Variants in CUTA observed in about 807,000 individuals in gnomAD.
The protein encoded by CUTA is cutA divalent cation tolerance homolog.
A neutral mutation model predicts 20.7 loss-of-function variants in CUTA; 21 were observed. The observed-to-expected ratio is 1.01, with a 90% CI of 0.72 to 1.46. CUTA has a LOEUF of 1.46. Among genes scored for constraint, CUTA ranks in the 40% most tolerant of loss-of-function variants. The pLI, the probability that CUTA is intolerant of heterozygous loss-of-function variation, is 0.00. For missense variants in CUTA, 231 were observed against 226.8 expected, an observed-to-expected ratio of 1.02 and a Z score of -0.12; for synonymous variants, 99 against 97.9, an observed-to-expected ratio of 1.01 and a Z score of -0.07.
intron 1 of CUTA, 75 bp downstream of exon 1, chr6:33,417,884 C>T (rs1399692387): frequency 1.3e-6 from 2 of 1,570,740 alleles, no homozygotes; most frequent in Non-Finnish European, 8.6e-7. Context: ...AGGGGGCCAA[C>T]CTCTGGGATT....
rs750581173 is a variant in CUTA, at chr6:33,418,043, C to G, written c.-43G>C. 7.4e-6 allele frequency: 12 copies of G among 1,614,062 alleles called. No homozygotes were observed. The Admixed American group carries it at 8.3e-5, about 11-fold the overall frequency. On this transcript the variant is annotated 5_prime_UTR_variant, in exon 1 of 6. Coordinates refer to ENST00000488034, the MANE Select transcript of CUTA (RefSeq NM_001014840.2). This position sits in a 1 kb window ranked among gnomAD's most constrained non-coding sequence, Gnocchi z 5.7. ...AGGAGAGTTGATCTCAAAGGCCACA[C>G]GTCACACGGAGAAACAACCCCAGGA...
At chr6:33,417,788 TCC>T in intron 1 of CUTA, 93 bp from the exon 2 acceptor site, 1 of 1,544,750 alleles carries the variant, frequency 6.5e-7, no homozygotes, top group Non-Finnish European at 8.7e-7. Context: ...GGCTCTGCCC[TCC>T]CTCTGATGCA....
intron 4 of CUTA, 47 bp downstream of exon 4, chr6:33,417,050 G>C: frequency 3.7e-6 from 6 of 1,612,308 alleles, no homozygotes; most frequent in Non-Finnish European, 5.1e-6. Context: ...GGGCTAAAGG[G>C]GTCAGGGATT....
In CUTA at chr6:33,417,268, G is replaced by T; in HGVS notation, c.300C>A (p.Ile100=). ...EKRLAACVNL[I]PQITSIYEWK... is the part of the protein sequence containing the mutation. ...TGACTCACATGGATGTAATCTGAGG[G>T]ATGAGGTTGACGCAGGCTGCTAGGC... Residue 100 remains isoleucine, a synonymous_variant, in exon 3 of 6, where the codon ATC becomes ATA. Coordinates refer to ENST00000488034, the MANE Select transcript of CUTA (RefSeq NM_001014840.2). 1 of 1,614,186 alleles carries T rather than the reference G, an allele frequency of 6.2e-7. No individual in the cohort carries two copies. The highest frequency in any genetic ancestry group is 8.5e-7 in the Non-Finnish European group (1 of 1,180,032).
At chr6:33,417,222 A>G (rs1776563452) in intron 3 of CUTA, 29 bp downstream of exon 3, 8 of 1,613,676 alleles carry the variant, frequency 5.0e-6, no homozygotes, top group Non-Finnish European at 6.8e-6. Flanking sequence ...TCCTACAGTT[A>G]GGTTAACCCC....
chr6:33,416,554 C>G lies in CUTA; in HGVS notation c.*96G>C, dbSNP rs1776491904. 2 of 800,860 alleles carry G rather than the reference C, an allele frequency of 2.5e-6. No homozygotes were observed. The highest frequency in any genetic ancestry group is 4.4e-6 in the Non-Finnish European group (2 of 455,456). 49.6% of individuals were successfully genotyped at this position (800,860 alleles called of 1,614,324 possible). ...AAAACAGGCAAAAGGCAGAGAGACCCAAAGACGGGATTTATTGGGGGCCCA... is the reference window on the plus strand; with the variant it reads ...AAAACAGGCAAAAGGCAGAGAGACCGAAAGACGGGATTTATTGGGGGCCCA... On this transcript the variant is annotated 3_prime_UTR_variant, in exon 6 of 6. Transcript: ENST00000488034.
In CUTA at chr6:33,416,659, G is replaced by T. The variant is rs1461964879; in HGVS notation, c.531C>A (p.Val177=). ...GCAGGAACAGGGCTCATCATGGCAG[G>T]ACTGTGATAGAGTCAGAAACTGACT... ...VTESVSDSIT[V]LP Residue 177 remains valine (V), a synonymous_variant, in exon 6 of 6, where the codon GTC becomes GTA. Transcript: ENST00000488034. The T allele has an allele frequency of 6.4e-7, 1 of 1,562,486 alleles. No individual in the cohort carries two copies. Among genetic ancestry groups the T allele is most frequent in the South Asian group, 1.1e-5 (1 of 90,078 alleles).
intron 1 of CUTA, 40 bp from the exon 2 acceptor site, chr6:33,417,735 G>C: frequency 6.3e-7 from 1 of 1,579,850 alleles, no homozygotes; most frequent in Non-Finnish European, 8.6e-7. Context: ...CTCACAAACA[G>C]CCCAGGAAAT....
chr6:33,417,785 C>T (rs566743604), intron 1 of CUTA, 90 bp from the exon 2 acceptor site: 165 of 1,545,102 alleles, frequency 1.1e-4, no homozygotes, highest in Non-Finnish European at 1.2e-4. Context: ...TCAGGCTCTG[C>T]CCTCCCTCTG....
At chr6:33,417,335 C>T (rs1776571219) in intron 2 of CUTA, 25 bp from the exon 3 acceptor site, 1 of 1,614,204 alleles carries the variant, frequency 6.2e-7, no homozygotes, top group Non-Finnish European at 8.5e-7. Context: ...CAGTCCCATT[C>T]AGAGTACCCC....
intron 1 of CUTA, 62 bp from the exon 2 acceptor site, chr6:33,417,757 A>T: frequency 1.3e-6 from 2 of 1,557,456 alleles, no homozygotes; most frequent in Non-Finnish European, 1.7e-6. Context: ...ACACCCGGGG[A>T]AGCCTTCGCT....
At position 33,416,542 on chromosome 6, in the gene CUTA, G is replaced by A; in HGVS notation, c.*108C>T. The A allele has an allele frequency of 2.7e-6, 2 of 750,636 alleles. No homozygotes were observed. Among genetic ancestry groups the A allele is most frequent in the South Asian group, 3.0e-5 (2 of 66,190 alleles). The allele number at this position is 750,636 out of a possible 1,614,324, so 46.5% of individuals were successfully genotyped here. A position where few individuals can be genotyped will look rare whatever the true frequency, so the allele number is the denominator to read the frequency against. On this transcript the variant is annotated 3_prime_UTR_variant, in exon 6 of 6. Transcript: ENST00000488034. ...CATACATGACAAAAAACAGGCAAAA[G>A]GCAGAGAGACCCAAAGACGGGATTT...
chr6:33,416,727 G>C lies in CUTA; in HGVS notation c.463C>G (p.Gln155Glu), dbSNP rs764138453. The C allele has an allele frequency of 6.2e-7, 1 of 1,614,094 alleles. No individual in the cohort carries two copies. The highest frequency in any genetic ancestry group is 1.1e-5 in the South Asian group (1 of 91,088). ...VAEVIALPVE[Q>E]GNFPYLQWVR... Reference sequence around the variant, plus strand: ...CACTGCAGGTACGGAAAGTTCCCCTGTTCCACAGGCAATGCAATTACCTCG... The same window carrying C: ...CACTGCAGGTACGGAAAGTTCCCCTCTTCCACAGGCAATGCAATTACCTCG... Residue 155 changes from glutamine to glutamate, a missense_variant, in exon 6 of 6, where the codon CAG becomes GAG. Transcript: ENST00000488034.
Position 33,417,985 on chromosome 6 carries a change from C to T in CUTA, c.16G>A (p.Ala6Thr), listed in dbSNP as rs779273935. The T allele has an allele frequency of 2.5e-6, 4 of 1,610,968 alleles. No homozygotes were observed. Among genetic ancestry groups the T allele is most frequent in the Admixed American group, 3.4e-5 (2 of 59,372 alleles). Residue 6 changes from alanine to threonine, a missense_variant, in exon 1 of 6, where the codon GCT becomes ACT. By Grantham distance (58) the Ala-to-Thr change is moderately conservative. Coordinates refer to ENST00000488034, the MANE Select transcript of CUTA (RefSeq NM_001014840.2). MSGGR[A>T]PAVLLGGVAS... is the part of the protein sequence containing the mutation. ...ACTCCGCCGAGCAGGACCGCGGGAGCCCGCCCCCCACTCATGCGGCCTACG... is the reference window on the plus strand; with the variant it reads ...ACTCCGCCGAGCAGGACCGCGGGAGTCCGCCCCCCACTCATGCGGCCTACG...
In CUTA at chr6:33,418,003, G is replaced by A. The variant is rs1318669227; in HGVS notation, c.-3C>T. 6.2e-7 allele frequency: 1 copy of A among 1,613,660 alleles called. No homozygotes were observed. The highest frequency in any genetic ancestry group is 2.2e-5 in the East Asian group (1 of 44,876). On this transcript the variant is annotated 5_prime_UTR_variant, in exon 1 of 6. Coordinates refer to ENST00000488034, the MANE Select transcript of CUTA (RefSeq NM_001014840.2). This position sits in a 1 kb window ranked among gnomAD's most constrained non-coding sequence, Gnocchi z 5.7. ...GCGGGAGCCCGCCCCCCACTCATGC[G>A]GCCTACGCTGGTACAGGAGAGTTGA... is the stretch of plus-strand genomic sequence containing the variant.
intron 1 of CUTA, 106 bp from the exon 2 acceptor site, chr6:33,417,801 C>T: frequency 6.5e-7 from 1 of 1,543,770 alleles, no homozygotes; most frequent in Non-Finnish European, 8.7e-7. Context: ...CTCTGATGCA[C>T]CCCCGAAGAA....
At chr6:33,417,203 CCAGT>C in intron 3 of CUTA, 44 bp downstream of exon 3, 1 of 1,613,816 alleles carries the variant, frequency 6.2e-7, no homozygotes. Context: ...AAAGAGGTTC[CCAGT>C]CAGCTCCTAC....
At position 33,417,640 on chromosome 6, in the gene CUTA, C is replaced by T. The variant is rs777856421; in HGVS notation, c.98G>A (p.Arg33His). The T allele has an allele frequency of 1.2e-6, 2 of 1,613,154 alleles. No homozygotes were observed. Among genetic ancestry groups the T allele is most frequent in the Non-Finnish European group, 1.7e-6 (2 of 1,179,502 alleles). The change falls in exon 2 of 6, where the codon CGC becomes CAC. Residue 33 changes from arginine (R) to histidine (H), a missense_variant. Transcript: ENST00000488034. ...WMPALLPVAS[R>H]LLLLPRVLLT... is the part of the protein sequence containing the mutation. ...CAAGACTCGGGGTAGCAACAAAAGGCGGGAGGCCACAGGCAGCAGCGCCGG... is the reference window on the plus strand; with the variant it reads ...CAAGACTCGGGGTAGCAACAAAAGGTGGGAGGCCACAGGCAGCAGCGCCGG...
chr6:33,417,432 A>T (rs546750284), intron 2 of CUTA, 49 bp downstream of exon 2: 1 of 1,612,374 alleles, frequency 6.2e-7, no homozygotes, highest in South Asian at 1.1e-5. Context: ...CCCCACCCCC[A>T]ACTGTCCCTT....
Sources: allele counts gnomAD v4.1 joint callset, GRCh38; gene constraint gnomAD v4.1.1; non-coding constraint Gnocchi (gnomAD v3.1); transcripts MANE v1.5; gene names NCBI Gene and HGNC (gene_info 2026-07-23, HGNC 2026-07-21).